Variants in WDR75 observed in about 807,000 individuals in gnomAD.
WDR75 encodes the protein WD repeat-containing protein 75.
In WDR75, 52 loss-of-function variants were observed where a neutral mutation model predicts 106.1. That is an observed-to-expected ratio of 0.49 (90% CI 0.39 to 0.62). The LOEUF (loss-of-function observed/expected upper bound fraction) is 0.62. WDR75 is among the 20% of genes least tolerant of loss of function. WDR75 has a pLI of 0.00. For synonymous variants in WDR75, 333 were observed against 335.5 expected, an observed-to-expected ratio of 0.99 and a Z score of 0.08; for missense variants, 905 against 970.3, an observed-to-expected ratio of 0.93 and a Z score of 0.89.
intron 5 of WDR75, 47 bp downstream of exon 5, chr2:189,455,491 T>G: frequency 6.3e-7 from 1 of 1,579,506 alleles, no homozygotes; most frequent in Non-Finnish European, 8.6e-7. Flanking sequence ...AAAATTTCTT[T>G]CCTGCAATCT....
intron 12 of WDR75, among the ~76,000 whole-genome samples, chr2:189,466,014 T>C (rs1329764726): frequency 1.3e-5 from 2 of 152,162 alleles, no homozygotes; most frequent in Non-Finnish European, 2.9e-5. Flanking sequence ...AGTAGTTTCC[T>C]GTCTATTTTT....
intron 1 of WDR75, among the ~76,000 whole-genome samples, chr2:189,443,602 T>C (rs1686432592): frequency 6.6e-6 from 1 of 152,170 alleles, no homozygotes; most frequent in Non-Finnish European, 1.5e-5. Flanking sequence ...CTGGGTAGGC[T>C]GATGTACATA....
In WDR75 at chr2:189,469,774, T is replaced by C. The variant is rs545095770; in HGVS notation, c.1820-302T>C. On this transcript the variant is annotated intron_variant, in intron 16 of 20. Coordinates refer to ENST00000314761, the MANE Select transcript of WDR75 (RefSeq NM_032168.3). Reference sequence around the variant, plus strand: ...TGAAGCAGTTTCTACATATCTCATTTCTAGTACTTACAGACAAAATACTAC... The same window carrying C: ...TGAAGCAGTTTCTACATATCTCATTCCTAGTACTTACAGACAAAATACTAC... Among the ~76,000 whole-genome samples, 3 of 152,294 alleles carry C rather than the reference T, an allele frequency of 2.0e-5. No individual in the cohort carries two copies. The East Asian group carries it at 5.8e-4, about 29-fold the overall frequency.
At chr2:189,464,333 G>T (rs1285980911) in intron 11 of WDR75, 2 of 182,000 alleles carry the variant, frequency 1.1e-5, no homozygotes, top group Non-Finnish European at 2.3e-5. Context: ...ACATATTGAA[G>T]ATAAAATTTT....
chr2:189,469,520 C>A, intron 16 of WDR75, 81 bp downstream of exon 16: 2 of 1,205,286 alleles, frequency 1.7e-6, no homozygotes, highest in South Asian at 1.3e-5. Flanking sequence ...CCAAACTTGC[C>A]TTCACATCAG....
rs1686713098 is a variant in WDR75 at position 189,455,423 on chromosome 2, G to A, written c.477G>A (p.Lys159=). 6.2e-7 allele frequency: 1 copy of A among 1,608,762 alleles called. No individual in the cohort carries two copies. Among genetic ancestry groups the A allele is most frequent in the Non-Finnish European group, 8.5e-7 (1 of 1,178,248 alleles). ...FVLDYINQSP[K]CIAFGNEGVY... ...TGGATTACATAAACCAGTCACCCAA[G>A]TGCATTGCCTTTGGAAACGAGGTAA... Residue 159 remains lysine (K), a synonymous_variant, in exon 5 of 21, where the codon AAG becomes AAA. Coordinates refer to ENST00000314761, the MANE Select transcript of WDR75 (RefSeq NM_032168.3).
In WDR75 at chr2:189,475,388, A is replaced by G. The variant is rs764382373; in HGVS notation, c.2464A>G (p.Ile822Val). 4 of 1,611,708 alleles carry G rather than the reference A, an allele frequency of 2.5e-6. No individual in the cohort carries two copies. The highest frequency in any genetic ancestry group is 1.1e-5 in the South Asian group (1 of 90,484). ...EEKELRKFRK[I>V]DYSWIAAL Reference sequence around the variant, plus strand: ...AAAAGAACTGAGAAAATTTAGGAAAATAGACTACAGCTGGATAGCTGCCCT... The same window carrying G: ...AAAAGAACTGAGAAAATTTAGGAAAGTAGACTACAGCTGGATAGCTGCCCT... Residue 822 changes from isoleucine (I) to valine (V), a missense_variant, in exon 21 of 21, where the codon ATA becomes GTA. Ile to Val is a conservative substitution (Grantham distance 29, BLOSUM62 3). Coordinates refer to ENST00000314761, the MANE Select transcript of WDR75 (RefSeq NM_032168.3).
chr2:189,462,593 C>G lies in WDR75; in HGVS notation c.888C>G (p.Ile296Met), dbSNP rs752533457. The G allele has an allele frequency of 1.1e-5, 17 of 1,613,872 alleles. No homozygotes were observed. The highest frequency in any genetic ancestry group is 1.3e-5 in the Non-Finnish European group (15 of 1,179,966). ...LPRLGATIEH[I>M]SVSPAGDLFC... Reference sequence around the variant, plus strand: ...GTTTAGGAGCTACTATTGAACATATCTCAGTCTCGCCTGCAGGAGATTTAT... The same window carrying G: ...GTTTAGGAGCTACTATTGAACATATGTCAGTCTCGCCTGCAGGAGATTTAT... Residue 296 changes from isoleucine (I) to methionine (M), a missense_variant, in exon 9 of 21, where the codon ATC (isoleucine) becomes ATG (methionine). Physicochemically the swap from Ile to Met is conservative, Grantham distance 10. Coordinates refer to ENST00000314761, the MANE Select transcript of WDR75 (RefSeq NM_032168.3).
In WDR75 at chr2:189,474,768, A is replaced by T; in HGVS notation, c.2248A>T (p.Met750Leu). ...GCCATCTGCTGCTTTCCTGTGCTCC[A>T]TGTTTGTAAATTCATTGCTGCTGTC... ...VLPSAAFLCSMFVNSLLLSKE... is the reference protein window; with the variant it reads ...VLPSAAFLCSLFVNSLLLSKE... Residue 750 changes from methionine (M) to leucine (L), a missense_variant, in exon 20 of 21, where the codon ATG becomes TTG. By Grantham distance (15) the Met-to-Leu change is conservative. Coordinates refer to ENST00000314761, the MANE Select transcript of WDR75 (RefSeq NM_032168.3). 6.2e-7 allele frequency: 1 copy of T among 1,614,046 alleles called. No individual in the cohort carries two copies. The highest frequency in any genetic ancestry group is 1.1e-5 in the South Asian group (1 of 91,074).
In WDR75 at chr2:189,462,725, C is replaced by T; in HGVS notation, c.937+83C>T. On this transcript the variant is annotated intron_variant, in intron 9 of 20. Transcript: ENST00000314761. ...CTGTAGGGAACAGAGAATAAAGAGA[C>T]CTAAAACTAAGAGTAGCGTATGAGA... 2.2e-6 allele frequency: 3 copies of T among 1,333,902 alleles called. No individual in the cohort carries two copies. In the South Asian group the frequency reaches 4.3e-5, roughly 19 times the overall value. 82.6% of individuals were successfully genotyped at this position (1,333,902 alleles called of 1,614,324 possible). A position where few individuals can be genotyped will look rare whatever the true frequency, so the allele number is the denominator to read the frequency against.
chr2:189,443,889 A>G (rs1311417685), intron 1 of WDR75, among the ~76,000 whole-genome samples: 1 of 152,182 alleles, frequency 6.6e-6, no homozygotes, highest in Admixed American at 6.5e-5. Context: ...CCAAGCAAGA[A>G]ATCACTTTTG....
Position 189,448,481 on chromosome 2 carries a change from CCA to C in WDR75, c.190_191del (p.Gln64AlafsTer2). The C allele has an allele frequency of 6.2e-7, 1 of 1,613,898 alleles. No individual in the cohort carries two copies. Among genetic ancestry groups the C allele is most frequent in the Non-Finnish European group, 8.5e-7 (1 of 1,179,860 alleles). The part of the protein sequence containing the change: ...HGHRNLVTGI[Q>X]LNPNNHLQLY... ...GACACAGAAATCTGGTGACTGGAATCCAGCTTAACCCCAACAACCATCTACAG... is the reference window on the plus strand; with the variant it reads ...GACACAGAAATCTGGTGACTGGAATCGCTTAACCCCAACAACCATCTACAG... On this transcript the variant is annotated frameshift_variant, in exon 2 of 21. Coordinates refer to ENST00000314761, the MANE Select transcript of WDR75 (RefSeq NM_032168.3). LOFTEE classifies it high-confidence loss of function.
At chr2:189,456,274 T>C (rs973414295) in intron 5 of WDR75, among the ~76,000 whole-genome samples, 1 of 152,038 alleles carries the variant, frequency 6.6e-6, no homozygotes, top group African/African-American at 2.4e-5. Context: ...TTAAATACAT[T>C]TACCTAGCGA....
chr2:189,470,358 A>C, intron 17 of WDR75, 113 bp downstream of exon 17: 1 of 1,226,056 alleles, frequency 8.2e-7, no homozygotes, highest in South Asian at 1.5e-5. Flanking sequence ...TTAAAGGATT[A>C]TTTCCCAAAA....
At chr2:189,457,144 A>G (rs111950224) in intron 5 of WDR75, among the ~76,000 whole-genome samples, 167 bp from the exon 6 acceptor site, 9,809 of 151,930 alleles carry the variant, frequency 0.065, 490 homozygotes, top group African/African-American at 0.14. Flanking sequence ...GGGAGGCTGA[A>G]GCAGGAGAAT....
At position 189,472,536 on chromosome 2, in the gene WDR75, C is replaced by A. The variant is rs185744892; in HGVS notation, c.2050-1650C>A. Among the ~76,000 whole-genome samples, 55 of 152,006 alleles carry A rather than the reference C, an allele frequency of 3.6e-4. 1 individual carries two copies. Among genetic ancestry groups the A allele is most frequent in the African/African-American group, 1.1e-3 (44 of 41,512 alleles). On this transcript the variant is annotated intron_variant, in intron 18 of 20. Transcript: ENST00000314761. ...GATTTCCTCATCTTTATCATCAAAT[C>A]TTTTTTTCTTTTTCATGGTCTGTTT... is the stretch of plus-strand genomic sequence containing the variant.
chr2:189,459,345 T>C lies in WDR75; in HGVS notation c.699T>C (p.Phe233=). 6.2e-7 allele frequency: 1 copy of C among 1,607,304 alleles called. No homozygotes were observed. The highest frequency in any genetic ancestry group is 8.5e-7 in the Non-Finnish European group (1 of 1,178,638). Residue 233 remains phenylalanine, a synonymous_variant, in exon 8 of 21, where the codon TTT becomes TTC. Transcript: ENST00000314761. ...TATCTTTCTCCAATAGGAGGAATTT[T>C]TATGATGATAAGAAATATACGTACA... ...MDGKIRLWRN[F]YDDKKYTYTC... is the part of the protein sequence containing the mutation.
In WDR75 at chr2:189,451,797, TCTTTCAGA is replaced by T; in HGVS notation, c.283-1_289del. On this transcript the variant is annotated splice_acceptor_variant and splice_polypyrimidine_tract_variant and coding_sequence_variant and intron_variant, in exon 4 of 21. Transcript: ENST00000314761. LOFTEE classifies it high-confidence loss of function. ...ACAGTAAACACTATGGTGCTCTTTA[TCTTTCAGA>T]CTTTCATAGTTGGATGTAAACTTCA... 1.2e-6 allele frequency: 2 copies of T among 1,611,358 alleles called. No homozygotes were observed. The highest frequency in any genetic ancestry group is 1.7e-6 in the Non-Finnish European group (2 of 1,177,790).
chr2:189,460,391 A>G (rs929661045), intron 8 of WDR75, among the ~76,000 whole-genome samples: 2 of 152,172 alleles, frequency 1.3e-5, no homozygotes, highest in African/African-American at 4.8e-5. Context: ...TGACTAGTGT[A>G]TGGAGACAAT....
Sources: allele counts gnomAD v4.1 joint callset (sites outside exome capture counted in the v4.1 genomes callset), GRCh38; gene constraint gnomAD v4.1.1; transcripts MANE v1.5; gene names NCBI Gene and HGNC (gene_info 2026-07-23, HGNC 2026-07-21).